Variants in EXOC4 observed in about 807,000 individuals in gnomAD.
EXOC4 encodes SEC8-like 1.
EXOC4 carries 71 observed loss-of-function variants against 107.2 expected under a neutral mutation model. The ratio of observed to expected loss-of-function variants is 0.66; its 90% CI spans 0.55 to 0.81. EXOC4 has a LOEUF of 0.81. Among genes scored for constraint, EXOC4 ranks in the 30% least tolerant of loss-of-function variants. The pLI, the probability that EXOC4 is intolerant of heterozygous loss-of-function variation, is 0.00. For missense variants in EXOC4, 1,108 were observed against 1,189.6 expected (o/e 0.93, Z 1.01); for synonymous variants, 456 against 441.2 (o/e 1.03, Z -0.42).
intron 12 of EXOC4, among the ~76,000 whole-genome samples, chr7:133,913,415 G>A (rs1346495849): frequency 1.3e-5 from 2 of 152,318 alleles, no homozygotes; most frequent in Non-Finnish European, 2.9e-5. Context: ...AGCTGCAGGC[G>A]AGAAGCCCAG....
intron 10 of EXOC4, among the ~76,000 whole-genome samples, chr7:133,698,363 G>T (rs1794583349): frequency 6.6e-6 from 1 of 152,062 alleles, no homozygotes; most frequent in East Asian, 1.9e-4. Context: ...ACTTTGGGAG[G>T]CTGAGGCAGG....
At chr7:133,721,503 C>G (rs775538979) in intron 10 of EXOC4, among the ~76,000 whole-genome samples, 3 of 152,132 alleles carry the variant, frequency 2.0e-5, no homozygotes, top group Admixed American at 6.6e-5. Flanking sequence ...GATTTTATCA[C>G]ATTAGACATA....
the EXOC4 span, among the ~76,000 whole-genome samples, chr7:134,073,629 G>A: frequency 6.6e-6 from 1 of 151,722 alleles, no homozygotes; most frequent in Non-Finnish European, 1.5e-5. Context: ...TTCACAAATT[G>A]CTCTATGAAA....
chr7:133,314,660 G>A (rs898728979), intron 4 of EXOC4, among the ~76,000 whole-genome samples: 1 of 152,132 alleles, frequency 6.6e-6, no homozygotes, highest in African/African-American at 2.4e-5. Flanking sequence ...ATAGAAGTGT[G>A]TACTATGATA....
At chr7:133,742,428 CG>C (rs1461378400) in intron 10 of EXOC4, among the ~76,000 whole-genome samples, 1 of 152,114 alleles carries the variant, frequency 6.6e-6, no homozygotes, top group East Asian at 1.9e-4. Flanking sequence ...AAAGGATTTG[CG>C]ACAACTTTAC....
chr7:133,523,368 A>G (rs1267168768), intron 9 of EXOC4, among the ~76,000 whole-genome samples: 1 of 152,116 alleles, frequency 6.6e-6, no homozygotes, highest in Non-Finnish European at 1.5e-5. Flanking sequence ...TGTTTTTCCA[A>G]AGTATGTTCA....
intron 14 of EXOC4, among the ~76,000 whole-genome samples, chr7:133,949,814 AT>A (rs1325093856): frequency 6.6e-6 from 1 of 152,180 alleles, no homozygotes; most frequent in Non-Finnish European, 1.5e-5. Flanking sequence ...TGGATTTTAT[AT>A]TTCCAAACCA....
At chr7:133,754,250 A>G (rs1795852690) in intron 10 of EXOC4, among the ~76,000 whole-genome samples, 2 of 152,320 alleles carry the variant, frequency 1.3e-5, no homozygotes, top group South Asian at 4.2e-4. Flanking sequence ...TGGCGATGGC[A>G]GTGCCTTTCT....
intron 13 of EXOC4, among the ~76,000 whole-genome samples, chr7:133,930,278 G>GA (rs1456410463): frequency 1.3e-5 from 2 of 152,096 alleles, no homozygotes; most frequent in African/African-American, 4.8e-5. Flanking sequence ...AGCGCCTAAA[G>GA]AAAAAACATG....
intron 9 of EXOC4, among the ~76,000 whole-genome samples, chr7:133,564,245 C>T (rs1023729777): frequency 1.3e-5 from 2 of 151,958 alleles, no homozygotes; most frequent in African/African-American, 2.4e-5. Flanking sequence ...TGGCAGAAGG[C>T]GAAAGGAAAG....
intron 9 of EXOC4, chr7:133,483,925 G>C: frequency 9.2e-7 from 1 of 1,084,456 alleles, no homozygotes; most frequent in South Asian, 1.3e-5. Flanking sequence ...GAATAGTTCA[G>C]TCAAACCGTA....
At chr7:133,787,664 G>C (rs1796603248) in intron 10 of EXOC4, among the ~76,000 whole-genome samples, 2 of 151,570 alleles carry the variant, frequency 1.3e-5, no homozygotes, top group African/African-American at 4.8e-5. Context: ...CCTCCTCCTT[G>C]CTGTGTCTTC....
At chr7:133,271,140 G>A (rs1793860550) in intron 1 of EXOC4, among the ~76,000 whole-genome samples, 1 of 151,854 alleles carries the variant, frequency 6.6e-6, no homozygotes, top group Non-Finnish European at 1.5e-5. Flanking sequence ...GGCTGGTCTC[G>A]AACTCCTGAC....
chr7:133,550,639 A>G (rs1800569226), intron 9 of EXOC4, among the ~76,000 whole-genome samples: 2 of 152,256 alleles, frequency 1.3e-5, no homozygotes, highest in Admixed American at 1.3e-4. Context: ...TTAATATCAG[A>G]AAATAAGAGA....
chr7:133,656,257 G>A (rs887760357), intron 10 of EXOC4, among the ~76,000 whole-genome samples: 2 of 152,102 alleles, frequency 1.3e-5, no homozygotes, highest in Non-Finnish European at 2.9e-5. Context: ...CAGTTGGCAA[G>A]GGGGAATTCA....
chr7:133,999,774 T>C (rs1221066769), intron 15 of EXOC4, among the ~76,000 whole-genome samples: 2 of 152,216 alleles, frequency 1.3e-5, no homozygotes, highest in African/African-American at 2.4e-5. Context: ...ATTGTTTACT[T>C]ATGTGTAGTT....
chr7:133,688,782 A>T (rs1314552453), intron 10 of EXOC4, among the ~76,000 whole-genome samples: 1 of 151,926 alleles, frequency 6.6e-6, no homozygotes, highest in Non-Finnish European at 1.5e-5. Context: ...GAAAGTGTTG[A>T]CATTTATATT....
intron 11 of EXOC4, among the ~76,000 whole-genome samples, chr7:133,878,890 A>G (rs997228743): frequency 1.7e-4 from 26 of 151,736 alleles, no homozygotes; most frequent in African/African-American, 6.1e-4. Flanking sequence ...ATGCCTGGCT[A>G]ATTTTTGTAT....
intron 1 of EXOC4, among the ~76,000 whole-genome samples, chr7:133,266,798 T>C (rs1429852257): frequency 6.6e-6 from 1 of 152,248 alleles, no homozygotes; most frequent in Non-Finnish European, 1.5e-5. Flanking sequence ...AGGACATCTT[T>C]TACTATATTA....
Sources: gnomAD v4.1 joint callset for allele counts (sites outside exome capture counted in the v4.1 genomes callset) on GRCh38, gnomAD v4.1.1 for gene constraint, MANE v1.5 for transcripts, NCBI Gene and HGNC (gene_info 2026-07-23, HGNC 2026-07-21) for gene names.